CSTF3: variants seen among roughly 807,000 people sequenced by gnomAD.
CSTF3 encodes cleavage stimulation factor subunit 3.
A neutral mutation model predicts 105.8 loss-of-function variants in CSTF3; 29 were observed. The observed-to-expected ratio is 0.27, with a 90% CI of 0.20 to 0.37. The LOEUF is 0.37. CSTF3 is among the 10% of genes least tolerant of loss of function. The pLI, the probability that CSTF3 is intolerant of heterozygous loss-of-function variation, is 1.00. For missense variants in CSTF3, 357 were observed against 879.3 expected, an observed-to-expected ratio of 0.41 and a Z score of 7.51; for synonymous variants, 252 against 281.9, an observed-to-expected ratio of 0.89 and a Z score of 1.06.
chr11:33,160,824 C>T (rs1305536714), intron 1 of CSTF3, among the ~76,000 whole-genome samples: 4 of 152,226 alleles, frequency 2.6e-5, no homozygotes, highest in Non-Finnish European at 5.9e-5. Flanking sequence ...TAACTTGCTT[C>T]TTTCTTCACT....
chr11:33,088,990 T>A (rs770671630), intron 17 of CSTF3, among the ~76,000 whole-genome samples: 1 of 152,200 alleles, frequency 6.6e-6, no homozygotes, highest in Non-Finnish European at 1.5e-5. Context: ...TTTCTAGCAA[T>A]TGCACAAAGT....
At chr11:33,088,327 C>G (rs1855129486) in intron 17 of CSTF3, among the ~76,000 whole-genome samples, 1 of 150,462 alleles carries the variant, frequency 6.6e-6, no homozygotes, top group Admixed American at 6.6e-5. Context: ...CACTCTGTCA[C>G]CCAGGCTGGA....
intron 10 of CSTF3, among the ~76,000 whole-genome samples, chr11:33,101,731 C>G (rs1008577507): frequency 6.6e-6 from 1 of 151,916 alleles, no homozygotes; most frequent in African/African-American, 2.4e-5. Flanking sequence ...AAACCACAGT[C>G]AAGAGAAAAA....
At chr11:33,141,634 C>T in intron 3 of CSTF3, 33 bp downstream of exon 3, 3 of 1,588,714 alleles carry the variant, frequency 1.9e-6, no homozygotes, top group South Asian at 2.3e-5. Context: ...TGCTGCAATA[C>T]TGATATAAGA....
chr11:33,104,086 CA>C (rs1285054564), intron 8 of CSTF3, among the ~76,000 whole-genome samples: 1 of 152,154 alleles, frequency 6.6e-6, no homozygotes, highest in African/African-American at 2.4e-5. Context: ...TTCAGCCTCC[CA>C]AAGTGCTGGG....
intron 3 of CSTF3, among the ~76,000 whole-genome samples, chr11:33,111,044 C>T (rs1032155901): frequency 8.1e-4 from 124 of 152,218 alleles, no homozygotes; most frequent in African/African-American, 2.9e-3. Flanking sequence ...GCCTGGCCAA[C>T]AGAGTGAAAC....
intron 3 of CSTF3, among the ~76,000 whole-genome samples, chr11:33,122,003 A>G (rs779765350): frequency 1.4e-4 from 21 of 152,162 alleles, no homozygotes; most frequent in Non-Finnish European, 2.9e-5. Flanking sequence ...CAATACCTAA[A>G]CCTGAGGAAG....
In CSTF3 at chr11:33,105,708, G is replaced by T. The variant is rs1393289655; in HGVS notation, c.459-15C>A. 1.2e-6 allele frequency: 2 copies of T among 1,612,158 alleles called. No individual in the cohort carries two copies. Among genetic ancestry groups the T allele is most frequent in the African/African-American group, 2.7e-5 (2 of 74,944 alleles). ...CTACAGCTTCCCTGAGATTGGATAA[G>T]AAATGCCATCAATTATATTATAACC... On this transcript the variant is annotated splice_polypyrimidine_tract_variant and intron_variant, in intron 7 of 20. Transcript: ENST00000323959.
intron 3 of CSTF3, among the ~76,000 whole-genome samples, chr11:33,117,393 T>G (rs535330657): frequency 1.3e-5 from 2 of 152,172 alleles, no homozygotes; most frequent in South Asian, 4.1e-4. Flanking sequence ...CATTGCTTAT[T>G]ACACACTTAA....
At chr11:33,132,830 C>T (rs983439089) in intron 3 of CSTF3, among the ~76,000 whole-genome samples, 2 of 151,914 alleles carry the variant, frequency 1.3e-5, no homozygotes, top group African/African-American at 2.4e-5. Context: ...GTTTACAAAG[C>T]GAAAGATGGC....
chr11:33,117,318 G>C (rs775058854), intron 3 of CSTF3, among the ~76,000 whole-genome samples: 35 of 151,980 alleles, frequency 2.3e-4, no homozygotes, highest in African/African-American at 4.6e-4. Flanking sequence ...TAAGAAAAAG[G>C]GATCTGGTGG....
chr11:33,151,147 G>A (rs1187915135), intron 1 of CSTF3, among the ~76,000 whole-genome samples: 1 of 152,110 alleles, frequency 6.6e-6, no homozygotes, highest in Admixed American at 6.6e-5. Flanking sequence ...CTAGGGATGT[G>A]CCCATATTTA....
intron 4 of CSTF3, 33 bp from the exon 5 acceptor site, chr11:33,108,033 G>C: frequency 7.2e-7 from 1 of 1,380,184 alleles, no homozygotes; most frequent in Non-Finnish European, 1.0e-6. Flanking sequence ...TCAGAATCCA[G>C]TTAAATAAAT....
At chr11:33,108,889 C>G (rs1202231221) in intron 3 of CSTF3, among the ~76,000 whole-genome samples, 1 of 152,162 alleles carries the variant, frequency 6.6e-6, no homozygotes. Context: ...TGGGGGCTAC[C>G]ACTGTGACAA....
intron 16 of CSTF3, 26 bp from the exon 17 acceptor site, chr11:33,090,753 A>G: frequency 1.4e-6 from 2 of 1,471,958 alleles, no homozygotes; most frequent in South Asian, 2.9e-5. Flanking sequence ...TACAATCAAT[A>G]CTTTAATTAT....
chr11:33,139,499 C>G (rs915849660), intron 3 of CSTF3, among the ~76,000 whole-genome samples: 2 of 151,636 alleles, frequency 1.3e-5, no homozygotes, highest in African/African-American at 2.4e-5. Context: ...TATTAATGGC[C>G]ACATTGAGTG....
chr11:33,097,790 CAG>C (rs1855240380), intron 13 of CSTF3, among the ~76,000 whole-genome samples: 1 of 152,200 alleles, frequency 6.6e-6, no homozygotes, highest in Non-Finnish European at 1.5e-5. Context: ...CTAGCACCTA[CAG>C]AGTGTCCAGT....
intron 3 of CSTF3, among the ~76,000 whole-genome samples, chr11:33,120,747 G>A (rs1855479058): frequency 2.6e-5 from 4 of 151,776 alleles, no homozygotes; most frequent in Non-Finnish European, 1.5e-5. Context: ...AATAAATGTG[G>A]ATAAAACTAC....
Position 33,087,013 on chromosome 11 carries a change from A to T in CSTF3, c.1770T>A (p.Ile590=). The change falls in exon 18 of 21, where the codon ATT becomes ATA. Residue 590 remains isoleucine (I), a synonymous_variant. Coordinates refer to ENST00000323959, the MANE Select transcript of CSTF3 (RefSeq NM_001326.3). ...EYPKPDTQQM[I]PFQPRHLAPP... is the part of the protein sequence containing the mutation. ...GTGCTAAATGTCGTGGCTGAAATGGAATCATCTGCTGAGTGTCTGGTTTAG... is the reference window on the plus strand; with the variant it reads ...GTGCTAAATGTCGTGGCTGAAATGGTATCATCTGCTGAGTGTCTGGTTTAG... 1 of 1,614,106 alleles carries T rather than the reference A, an allele frequency of 6.2e-7. No individual in the cohort carries two copies. Among genetic ancestry groups the T allele is most frequent in the Non-Finnish European group, 8.5e-7 (1 of 1,179,998 alleles).
Sources: gnomAD v4.1 joint callset for allele counts (sites outside exome capture counted in the v4.1 genomes callset) on GRCh38, gnomAD v4.1.1 for gene constraint, MANE v1.5 for transcripts, NCBI Gene and HGNC (gene_info 2026-07-23, HGNC 2026-07-21) for gene names.